The following KCNK18 variants were observed in gnomAD, a reference collection of about 807,000 sequenced individuals.
The protein encoded by KCNK18 is potassium two pore domain channel subfamily K member 18.
KCNK18 carries 8 observed loss-of-function variants against 11.8 expected under a neutral mutation model. The observed-to-expected ratio is 0.68, with a 90% CI of 0.40 to 1.22. The LOEUF (loss-of-function observed/expected upper bound fraction) is 1.22. Among genes scored for constraint, KCNK18 ranks in the 50% most tolerant of loss-of-function variants. KCNK18 has a pLI of 0.01. For missense variants in KCNK18, 442 were observed against 465.4 expected, an observed-to-expected ratio of 0.95 and a Z score of 0.46; for synonymous variants, 208 against 185.8, an observed-to-expected ratio of 1.12 and a Z score of -0.97.
Position 117,210,158 on chromosome 10 carries a change from G to A in KCNK18, c.1014G>A (p.Leu338=). The A allele has an allele frequency of 6.2e-7, 1 of 1,614,174 alleles. No homozygotes were observed. The highest frequency in any genetic ancestry group is 8.5e-7 in the Non-Finnish European group (1 of 1,180,036). ...TTTTAGAACACCCTAACTTCTTCCT[G>A]TTCTTCTCCATTTATATCATCGTTG... ...DTVLEHPNFF[L]FFSIYIIVGM... Residue 338 remains leucine, a synonymous_variant, in exon 3 of 3, where the codon CTG becomes CTA. Transcript: ENST00000334549.
At position 117,210,210 on chromosome 10, in the gene KCNK18, A is replaced by G. The variant is rs1409372228; in HGVS notation, c.1066A>G (p.Lys356Glu). 4 of 1,614,062 alleles carry G rather than the reference A, an allele frequency of 2.5e-6. No homozygotes were observed. Among genetic ancestry groups the G allele is most frequent in the Non-Finnish European group, 3.4e-6 (4 of 1,180,028 alleles). Reference protein sequence around the residue: ...VGMEIVFIAFKLVQNRLIDIY... With the variant: ...VGMEIVFIAFELVQNRLIDIY... ...AATGGAGATTGTGTTCATTGCTTTC[A>G]AGTTGGTGCAAAACAGGCTGATTGA... The change falls in exon 3 of 3, where the codon AAG becomes GAG. Residue 356 changes from lysine to glutamate, a missense_variant. Transcript: ENST00000334549.
At chr10:117,200,938 C>T (rs185145836) in intron 1 of KCNK18, among the ~76,000 whole-genome samples, 1 of 152,318 alleles carries the variant, frequency 6.6e-6, no homozygotes, top group Admixed American at 6.5e-5. Flanking sequence ...GCTCTTCTCA[C>T]AGGGCTAAGT....
chr10:117,197,841 T>G, intron 1 of KCNK18, 130 bp downstream of exon 1: 1 of 747,484 alleles, frequency 1.3e-6, no homozygotes, highest in Non-Finnish European at 2.3e-6. Flanking sequence ...GCCTGGGCAC[T>G]TTAAGCGAGT....
chr10:117,204,315 T>C (rs937837400), intron 2 of KCNK18, among the ~76,000 whole-genome samples: 7 of 151,418 alleles, frequency 4.6e-5, no homozygotes, highest in Non-Finnish European at 1.0e-4. Flanking sequence ...CAGATGCATC[T>C]GAGGCAGGAT....
At chr10:117,204,164 A>T (rs1032109023) in intron 2 of KCNK18, among the ~76,000 whole-genome samples, 1 of 149,520 alleles carries the variant, frequency 6.7e-6, no homozygotes, top group African/African-American at 2.5e-5. Context: ...CAGGAGGCTG[A>T]GGTGGGAGCA....
At chr10:117,204,715 T>G (rs1855057257) in intron 2 of KCNK18, among the ~76,000 whole-genome samples, 1 of 152,284 alleles carries the variant, frequency 6.6e-6, no homozygotes, top group East Asian at 1.9e-4. Context: ...TTCTGATGTG[T>G]GCTAATGTTT....
intron 1 of KCNK18, 92 bp downstream of exon 1, chr10:117,197,803 G>T (rs1854968359): frequency 2.7e-6 from 3 of 1,098,862 alleles, no homozygotes; most frequent in Non-Finnish European, 4.1e-6. Flanking sequence ...GGCTGGGTCT[G>T]GGAGCTGCCT....
At chr10:117,205,532 G>A (rs1208546267) in intron 2 of KCNK18, among the ~76,000 whole-genome samples, 1 of 152,102 alleles carries the variant, frequency 6.6e-6, no homozygotes, top group African/African-American at 2.4e-5. Flanking sequence ...TGCCTGCTCT[G>A]TGCTCAAATC....
In KCNK18 at chr10:117,209,590, C is replaced by A. The variant is rs756449062; in HGVS notation, c.446C>A (p.Thr149Lys). 1.9e-6 allele frequency: 3 copies of A among 1,614,004 alleles called. No individual in the cohort carries two copies. The East Asian group carries it at 6.7e-5, about 36-fold the overall frequency. Residue 149 changes from threonine to lysine, a missense_variant, in exon 3 of 3, where the codon ACG becomes AAG. By Grantham distance (78) the Thr-to-Lys change is moderately conservative (BLOSUM62 -1). Transcript: ENST00000334549. ...ATCCCCCTGATGTTCCTCGTTCTCA[C>A]GGACACAGGCGACATCCTGGCAACC... ...FGIPLMFLVL[T>K]DTGDILATIL... is the part of the protein sequence containing the mutation.
At position 117,209,549 on chromosome 10, in the gene KCNK18, C is replaced by T. The variant is rs867719712; in HGVS notation, c.405C>T (p.Leu135=). 1 of 1,614,166 alleles carries T rather than the reference C, an allele frequency of 6.2e-7. No homozygotes were observed. The highest frequency in any genetic ancestry group is 8.5e-7 in the Non-Finnish European group (1 of 1,180,040). ...VTRLGKYLCM[L]YALFGIPLMF... ...GGCTTGGCAAGTACTTGTGCATGCTCTATGCTCTCTTTGGTATCCCCCTGA... is the reference window on the plus strand; with the variant it reads ...GGCTTGGCAAGTACTTGTGCATGCTTTATGCTCTCTTTGGTATCCCCCTGA... Residue 135 remains leucine (L), a synonymous_variant, in exon 3 of 3, where the codon CTC becomes CTT. Coordinates refer to ENST00000334549, the MANE Select transcript of KCNK18 (RefSeq NM_181840.1).
chr10:117,210,098 T>C lies in KCNK18; in HGVS notation c.954T>C (p.Phe318=). 6.2e-7 allele frequency: 1 copy of C among 1,614,220 alleles called. No individual in the cohort carries two copies. Among genetic ancestry groups the C allele is most frequent in the Non-Finnish European group, 8.5e-7 (1 of 1,180,038 alleles). ...TCGAGAATGCCTTCTATTTCTGCTT[T>C]GTCACACTCACCACCATTGGGTTTG... ...LDFENAFYFC[F]VTLTTIGFGD... is the part of the protein sequence containing the mutation. The change falls in exon 3 of 3, where the codon TTT becomes TTC. Residue 318 remains phenylalanine (F), a synonymous_variant. Coordinates refer to ENST00000334549, the MANE Select transcript of KCNK18 (RefSeq NM_181840.1).
At position 117,209,884 on chromosome 10, in the gene KCNK18, T is replaced by A. The variant is rs755866541; in HGVS notation, c.740T>A (p.Met247Lys). ...QNTLQLPPQA[M>K]ERSNSCPELV... ...ACACTGCAACTGCCCCCACAAGCCA[T>A]GGAGAGGAGTAACTCGTGTCCCGAA... Residue 247 changes from methionine (M) to lysine (K), a missense_variant, in exon 3 of 3, where the codon ATG becomes AAG. By Grantham distance (95) the Met-to-Lys change is moderately conservative. Coordinates refer to ENST00000334549, the MANE Select transcript of KCNK18 (RefSeq NM_181840.1). 1 of 1,614,072 alleles carries A rather than the reference T, an allele frequency of 6.2e-7. No individual in the cohort carries two copies. Among genetic ancestry groups the A allele is most frequent in the Non-Finnish European group, 8.5e-7 (1 of 1,180,038 alleles).
At chr10:117,198,082 CT>C (rs1854971406) in intron 1 of KCNK18, among the ~76,000 whole-genome samples, 1 of 152,044 alleles carries the variant, frequency 6.6e-6, no homozygotes, top group South Asian at 2.1e-4. Flanking sequence ...AAATCTGGGG[CT>C]GGGGTTGGGG....
chr10:117,202,802 T>C (rs867812522), intron 2 of KCNK18, among the ~76,000 whole-genome samples: 1 of 151,040 alleles, frequency 6.6e-6, no homozygotes, highest in Non-Finnish European at 1.5e-5. Flanking sequence ...AACCGGTGTC[T>C]GCTGCACCCA....
At chr10:117,200,704 C>T (rs1855003026) in intron 1 of KCNK18, among the ~76,000 whole-genome samples, 1 of 151,754 alleles carries the variant, frequency 6.6e-6, no homozygotes, top group South Asian at 2.1e-4. Flanking sequence ...CTCAGCTACG[C>T]AGGAGGCTGA....
chr10:117,204,700 T>G (rs1855057140), intron 2 of KCNK18, among the ~76,000 whole-genome samples: 1 of 152,148 alleles, frequency 6.6e-6, no homozygotes, highest in South Asian at 2.1e-4. Context: ...AAGTTCTCCA[T>G]GTGATTCTGA....
At chr10:117,206,100 T>C (rs200346270) in intron 2 of KCNK18, among the ~76,000 whole-genome samples, 2 of 152,160 alleles carry the variant, frequency 1.3e-5, no homozygotes, top group Non-Finnish European at 2.9e-5. Flanking sequence ...TTGTGGCTGC[T>C]GTAATAAATT....
In KCNK18 at chr10:117,202,886, CTT is replaced by C. The variant is rs201850637; in HGVS notation, c.352+1620_352+1621del. Among the ~76,000 whole-genome samples, 140 of 122,982 alleles carry C rather than the reference CTT, an allele frequency of 1.1e-3. 2 individuals are homozygous for C. Among genetic ancestry groups the C allele is most frequent in the Admixed American group, 7.2e-3 (81 of 11,174 alleles). The allele number at this position is 122,982 out of a possible 152,430, so 80.7% of individuals were successfully genotyped here. ...GTGGTTTCTCCCATTTGCCTGAATG[CTT>C]TTTTTTTTTTTTTTTTTTTTGAGAT... On this transcript the variant is annotated intron_variant, in intron 2 of 2. Coordinates refer to ENST00000334549, the MANE Select transcript of KCNK18 (RefSeq NM_181840.1).
chr10:117,204,072 G>A (rs1054931898), intron 2 of KCNK18, among the ~76,000 whole-genome samples: 6 of 151,998 alleles, frequency 3.9e-5, no homozygotes, highest in African/African-American at 1.4e-4. Flanking sequence ...GACCAGTCTG[G>A]GAAATACAAT....
Sources: gnomAD v4.1 joint callset for allele counts (sites outside exome capture counted in the v4.1 genomes callset) on GRCh38, gnomAD v4.1.1 for gene constraint, MANE v1.5 for transcripts, NCBI Gene and HGNC (gene_info 2026-07-23, HGNC 2026-07-21) for gene names.